Variants in PPP3R1 observed in about 807,000 individuals in gnomAD.
PPP3R1 encodes the protein protein phosphatase 3 regulatory subunit B, alpha.
PPP3R1 carries 5 observed loss-of-function variants against 22.6 expected under a neutral mutation model. That is an observed-to-expected ratio of 0.22 (90% CI 0.12 to 0.46). The LOEUF is 0.46. Ranked by LOEUF, PPP3R1 falls within the 20% of genes least tolerant of loss-of-function variation. The pLI, the probability that PPP3R1 is intolerant of heterozygous loss-of-function variation, is 0.99. For synonymous variants in PPP3R1, 56 were observed against 65.2 expected (o/e 0.86, Z 0.68); for missense variants, 61 against 203.2 (o/e 0.30, Z 4.25).
intron 5 of PPP3R1, 61 bp from the exon 6 acceptor site, chr2:68,181,071 TAAC>T: frequency 6.7e-7 from 1 of 1,497,238 alleles, no homozygotes; most frequent in East Asian, 2.3e-5. Flanking sequence ...ATTCGTGGTC[TAAC>T]TACTTCATCA....
chr2:68,251,878 G>A (rs1319345038), intron 1 of PPP3R1, among the ~76,000 whole-genome samples: 2 of 145,256 alleles, frequency 1.4e-5, no homozygotes, highest in Non-Finnish European at 3.1e-5. Flanking sequence ...CGGGGCGGCG[G>A]CCGAGCAGCA....
At chr2:68,191,363 T>A (rs1572953105) in intron 2 of PPP3R1, among the ~76,000 whole-genome samples, 1 of 152,208 alleles carries the variant, frequency 6.6e-6, no homozygotes, top group Non-Finnish European at 1.5e-5. Context: ...AATATCTGTG[T>A]ATCTGAACAT....
intron 2 of PPP3R1, among the ~76,000 whole-genome samples, chr2:68,216,449 T>C (rs1669580825): frequency 6.6e-6 from 1 of 151,970 alleles, no homozygotes. Context: ...GTGATTCTAT[T>C]TGTTCAAAAA....
chr2:68,243,369 G>A (rs1233397143), intron 1 of PPP3R1, among the ~76,000 whole-genome samples: 2 of 152,060 alleles, frequency 1.3e-5, no homozygotes, highest in African/African-American at 4.8e-5. Flanking sequence ...TTGACCATAA[G>A]TTTCCTTTAT....
intron 2 of PPP3R1, 141 bp downstream of exon 2, chr2:68,216,951 T>C (rs1669590212): frequency 1.7e-6 from 1 of 591,918 alleles, no homozygotes. Context: ...CTACCCACTT[T>C]AAATAGTTAA....
chr2:68,234,336 C>G (rs1392435629), intron 1 of PPP3R1, among the ~76,000 whole-genome samples: 1 of 151,516 alleles, frequency 6.6e-6, no homozygotes, highest in African/African-American at 2.4e-5. Context: ...GAGTGAGACT[C>G]CGTCCAAAAA....
intron 2 of PPP3R1, among the ~76,000 whole-genome samples, chr2:68,193,355 C>A (rs1407203495): frequency 1.3e-5 from 2 of 152,076 alleles, no homozygotes; most frequent in African/African-American, 4.8e-5. Flanking sequence ...ATCTTTTCTC[C>A]AACCACTCAT....
Position 68,198,355 on chromosome 2 carries a change from A to C in PPP3R1, c.44-9665T>G, listed in dbSNP as rs565091287. Among the ~76,000 whole-genome samples, 402 of 73,102 alleles carry C rather than the reference A, an allele frequency of 5.5e-3. 14 individuals carry two copies. The highest frequency in any genetic ancestry group is 0.017 in the African/African-American group (249 of 14,566). 48.0% of individuals were successfully genotyped at this position (73,102 alleles called of 152,430 possible). A position where few individuals can be genotyped will look rare whatever the true frequency, so the allele number is the denominator to read the frequency against. On this transcript the variant is annotated intron_variant, in intron 2 of 5. Coordinates refer to ENST00000234310, the MANE Select transcript of PPP3R1 (RefSeq NM_000945.4). ...TACATATATGTACATGTATATGCAT[A>C]TATATGTACATATATGTACATGTAT...
chr2:68,239,255 T>A (rs1443650), intron 1 of PPP3R1, among the ~76,000 whole-genome samples: 32,542 of 152,136 alleles, frequency 0.21, 3,726 homozygotes, highest in Non-Finnish European at 0.25. Context: ...TGAATTCATC[T>A]ACCACCACTT....
At chr2:68,252,077 G>C (rs1670375413) in intron 1 of PPP3R1, 48 bp downstream of exon 1, 3 of 1,385,490 alleles carry the variant, frequency 2.2e-6, no homozygotes, top group Non-Finnish European at 1.9e-6. Flanking sequence ...CGACCCGGAC[G>C]GCGGCAGTAG....
chr2:68,182,022 A>C (rs2103711707), intron 5 of PPP3R1, among the ~76,000 whole-genome samples: 1 of 149,848 alleles, frequency 6.7e-6, no homozygotes, highest in South Asian at 2.1e-4. Context: ...GTAAACACCC[A>C]ATAACCAGCA....
At chr2:68,181,160 C>G in intron 5 of PPP3R1, 150 bp from the exon 6 acceptor site, 1 of 693,140 alleles carries the variant, frequency 1.4e-6, no homozygotes, top group South Asian at 1.7e-5. Flanking sequence ...AAGGCCAAGG[C>G]AGGTGGATCA....
chr2:68,244,920 C>CA (rs1670206094), intron 1 of PPP3R1, among the ~76,000 whole-genome samples: 1 of 152,220 alleles, frequency 6.6e-6, no homozygotes, highest in African/African-American at 2.4e-5. Flanking sequence ...TCTGCATTCA[C>CA]AGAGTTTACT....
chr2:68,231,262 A>G (rs1669891790), intron 1 of PPP3R1, among the ~76,000 whole-genome samples: 1 of 152,058 alleles, frequency 6.6e-6, no homozygotes, highest in Non-Finnish European at 1.5e-5. Flanking sequence ...TTTGCTATTA[A>G]GCCTACTCAC....
At chr2:68,241,850 A>G (rs1572978295) in intron 1 of PPP3R1, among the ~76,000 whole-genome samples, 1 of 152,000 alleles carries the variant, frequency 6.6e-6, no homozygotes, top group East Asian at 1.9e-4. Context: ...TCTCAAAAAA[A>G]AAAAAAAAAA....
At position 68,180,975 on chromosome 2, in the gene PPP3R1, C is replaced by T. The variant is rs1243179126; in HGVS notation, c.501G>A (p.Val167=). 1 of 1,613,284 alleles carries T rather than the reference C, an allele frequency of 6.2e-7. No individual in the cohort carries two copies. The highest frequency in any genetic ancestry group is 1.3e-5 in the African/African-American group (1 of 74,912). ...TCTCTGATAAGAGTCACACATCTAC[C>T]ACCATCTTTTTGTGGATATCTAGGC... ...VGGLDIHKKM[V]VDV is the part of the protein sequence containing the mutation. Residue 167 remains valine (V), a synonymous_variant, in exon 6 of 6, where the codon GTG becomes GTA. Coordinates refer to ENST00000234310, the MANE Select transcript of PPP3R1 (RefSeq NM_000945.4).
intron 2 of PPP3R1, among the ~76,000 whole-genome samples, chr2:68,212,462 T>G (rs1669505173): frequency 6.6e-6 from 1 of 152,200 alleles, no homozygotes; most frequent in East Asian, 1.9e-4. Flanking sequence ...TTACAAAATG[T>G]CTTTCTTAAG....
At chr2:68,227,916 C>T (rs1376317228) in intron 1 of PPP3R1, among the ~76,000 whole-genome samples, 3 of 152,088 alleles carry the variant, frequency 2.0e-5, no homozygotes, top group Non-Finnish European at 4.4e-5. Context: ...CATCTGCAAA[C>T]GGGATCCGTT....
At chr2:68,188,814 T>C (rs1443921237) in intron 2 of PPP3R1, 124 bp from the exon 3 acceptor site, 3 of 738,910 alleles carry the variant, frequency 4.1e-6, no homozygotes, top group Non-Finnish European at 6.4e-6. Context: ...AATCTAACAG[T>C]TATCCAATAG....
Sources: gnomAD v4.1 joint callset for allele counts (sites outside exome capture counted in the v4.1 genomes callset) on GRCh38, gnomAD v4.1.1 for gene constraint, MANE v1.5 for transcripts, NCBI Gene and HGNC (gene_info 2026-07-23, HGNC 2026-07-21) for gene names.